ZFHX4: variants seen among roughly 807,000 people sequenced by gnomAD.
ZFHX4 encodes zinc finger homeobox protein 4.
ZFHX4 carries 56 observed loss-of-function variants against 267.6 expected under a neutral mutation model. The ratio of observed to expected loss-of-function variants is 0.21; its 90% CI spans 0.17 to 0.26. ZFHX4 has a LOEUF of 0.26. Among genes scored for constraint, ZFHX4 ranks in the 10% least tolerant of loss-of-function variants. The pLI, the probability that ZFHX4 is intolerant of heterozygous loss-of-function variation, is 1.00. For synonymous variants in ZFHX4, 1,778 were observed against 1,665.6 expected, an observed-to-expected ratio of 1.07 and a Z score of -1.64; for missense variants, 4,332 against 4,420.0, an observed-to-expected ratio of 0.98 and a Z score of 0.56.
chr8:76,853,731 T>C lies in ZFHX4; in HGVS notation c.6810T>C (p.Ile2270=), dbSNP rs750149798. 6.2e-7 allele frequency: 1 copy of C among 1,613,780 alleles called. No homozygotes were observed. The change falls in exon 10 of 11, where the codon ATT becomes ATC. Residue 2270 remains isoleucine, a synonymous_variant. Coordinates refer to ENST00000651372, the MANE Select transcript of ZFHX4 (RefSeq NM_024721.5). ...STVLNLPTRV[I]VVWFQNARQK... ...TTCTCAATCTGCCTACCCGGGTTAT[T>C]GTTGTATGGTTCCAGAATGCTCGTC...
chr8:76,812,013 A>C (rs1269868162), intron 4 of ZFHX4, among the ~76,000 whole-genome samples: 2 of 152,264 alleles, frequency 1.3e-5, no homozygotes, highest in African/African-American at 2.4e-5. Flanking sequence ...GAACGCACCT[A>C]TCTAAATTGC....
At chr8:76,765,161 AATT>A (rs1305753355) in intron 3 of ZFHX4, among the ~76,000 whole-genome samples, 1 of 152,170 alleles carries the variant, frequency 6.6e-6, no homozygotes, top group Non-Finnish European at 1.5e-5. Context: ...AGTTAATAGT[AATT>A]CCACCTCATT....
At chr8:76,778,523 ACGCCT>A in intron 4 of ZFHX4, 84 bp downstream of exon 4, 9 of 1,099,312 alleles carry the variant, frequency 8.2e-6, no homozygotes, top group South Asian at 2.7e-5. Flanking sequence ...ACACACACAC[ACGCCT>A]CAAACTCTCC....
Position 76,705,414 on chromosome 8 carries a change from G to C in ZFHX4, c.1326G>C (p.Glu442Asp). 6.2e-7 allele frequency: 1 copy of C among 1,613,816 alleles called. No individual in the cohort carries two copies. Among genetic ancestry groups the C allele is most frequent in the Non-Finnish European group, 8.5e-7 (1 of 1,179,880 alleles). Residue 442 changes from glutamate to aspartate, a missense_variant, in exon 2 of 11, where the codon GAG becomes GAC. Glu to Asp is a conservative substitution (Grantham distance 45). Around this residue, in one of 7 missense-constraint regions of ZFHX4, gnomAD observed 1,195 missense variants for 1,173.6 expected, o/e 1.02. Coordinates refer to ENST00000651372, the MANE Select transcript of ZFHX4 (RefSeq NM_024721.5). ...SSKMSESKDQ[E>D]NNCERPKESN... The stretch of plus-strand genomic sequence containing the variant: ...AGATGTCAGAGAGCAAAGACCAAGA[G>C]AACAACTGTGAAAGGCCAAAAGAAA...
At position 76,708,028 on chromosome 8, in the gene ZFHX4, G is replaced by T; in HGVS notation, c.3073G>T (p.Ala1025Ser). ...GCATACCACCAATCACAGGCACGAGGCGGCCCTGAAGCTCTACAAGGTAAG... is the reference window on the plus strand; with the variant it reads ...GCATACCACCAATCACAGGCACGAGTCGGCCCTGAAGCTCTACAAGGTAAG... ...RLHTTNHRHE[A>S]ALKLYKHLQK... Residue 1025 changes from alanine to serine, a missense_variant, in exon 3 of 11, where the codon GCG (alanine) becomes TCG (serine). Ala to Ser is a moderately conservative substitution (Grantham distance 99). Transcript: ENST00000651372. 6.2e-7 allele frequency: 1 copy of T among 1,613,574 alleles called. No homozygotes were observed.
At chr8:76,833,457 CT>C (rs757538730) in intron 5 of ZFHX4, 51 bp downstream of exon 5, 4 of 1,373,024 alleles carry the variant, frequency 2.9e-6, no homozygotes, top group Non-Finnish European at 4.1e-6. Flanking sequence ...AAATGAGTTG[CT>C]TTTGTTACTC....
intron 5 of ZFHX4, among the ~76,000 whole-genome samples, chr8:76,834,596 G>T (rs1420615473): frequency 2.0e-5 from 3 of 151,974 alleles, no homozygotes; most frequent in African/African-American, 7.2e-5. Context: ...TAATTGAATT[G>T]TTTATTTGCT....
At chr8:76,722,683 T>C (rs1390926802) in intron 3 of ZFHX4, among the ~76,000 whole-genome samples, 1 of 151,832 alleles carries the variant, frequency 6.6e-6, no homozygotes, top group Non-Finnish European at 1.5e-5. Flanking sequence ...CTGAGTTCTG[T>C]AGATCTTAAT....
At chr8:76,842,609 T>C in intron 5 of ZFHX4, 46 bp from the exon 6 acceptor site, 1 of 1,431,500 alleles carries the variant, frequency 7.0e-7, no homozygotes, top group Non-Finnish European at 9.5e-7. Flanking sequence ...AGTGTGAACT[T>C]TTGGGCGGTT....
At chr8:76,827,475 A>T (rs1395013472) in intron 4 of ZFHX4, among the ~76,000 whole-genome samples, 2 of 152,198 alleles carry the variant, frequency 1.3e-5, no homozygotes, top group African/African-American at 4.8e-5. Context: ...ATAGATGGAA[A>T]CACAAGTTTA....
Position 76,850,381 on chromosome 8 carries a change from A to G in ZFHX4, c.3964+19A>G. The G allele has an allele frequency of 6.3e-7, 1 of 1,577,946 alleles. No individual in the cohort carries two copies. Among genetic ancestry groups the G allele is most frequent in the African/African-American group, 1.3e-5 (1 of 74,194 alleles). ...TATTCAGGTATGCCATCTTATCATC[A>G]AGACTTGTGAACAATACGCTTAGGG... On this transcript the variant is annotated intron_variant, in intron 9 of 10. Transcript: ENST00000651372.
rs201412244 is a variant in ZFHX4 at position 76,863,236 on chromosome 8, A to T, written c.9522A>T (p.Ser3174=). Reference sequence around the variant, plus strand: ...CACCTCCTCCTCCTCCTCCTCCTTCATCCTCTCTGTCAGGACAGCAGACCG... The same window carrying T: ...CACCTCCTCCTCCTCCTCCTCCTTCTTCCTCTCTGTCAGGACAGCAGACCG... The part of the protein sequence containing the change: ...PPPPPPPPPP[S]SSLSGQQTEQ... Residue 3174 remains serine (S), a synonymous_variant, in exon 11 of 11, where the codon TCA becomes TCT. Transcript: ENST00000651372. 281 of 1,593,106 alleles carry T rather than the reference A, an allele frequency of 1.8e-4. No homozygotes were observed. Among genetic ancestry groups the T allele is most frequent in the Non-Finnish European group, 2.3e-4 (271 of 1,169,342 alleles).
At chr8:76,857,261 TTAAG>T (rs1009174378) in intron 10 of ZFHX4, among the ~76,000 whole-genome samples, 8 of 151,506 alleles carry the variant, frequency 5.3e-5, no homozygotes, top group African/African-American at 1.7e-4. Flanking sequence ...CTTTTATAAT[TTAAG>T]TAAGTTTTGT....
chr8:76,856,448 A>G (rs2079003004), intron 10 of ZFHX4, 148 bp downstream of exon 10: 7 of 962,308 alleles, frequency 7.3e-6, no homozygotes, highest in Non-Finnish European at 9.5e-6. Context: ...TATATTGGCT[A>G]TAGCTAATTA....
intron 3 of ZFHX4, among the ~76,000 whole-genome samples, chr8:76,756,424 A>G (rs1004524184): frequency 7.2e-5 from 11 of 152,182 alleles, no homozygotes; most frequent in African/African-American, 2.4e-4. Context: ...AGCAAGAAAC[A>G]GAGAGACCAG....
intron 1 of ZFHX4, among the ~76,000 whole-genome samples, chr8:76,702,651 T>G (rs568337029): frequency 6.6e-6 from 1 of 152,296 alleles, no homozygotes; most frequent in East Asian, 1.9e-4. Context: ...TGATATGCAA[T>G]GTAATATAGC....
intron 3 of ZFHX4, among the ~76,000 whole-genome samples, chr8:76,744,345 A>T (rs1809400684): frequency 6.6e-6 from 1 of 152,114 alleles, no homozygotes; most frequent in Admixed American, 6.5e-5. Flanking sequence ...GACTCCACCT[A>T]AAAAATAAAT....
intron 3 of ZFHX4, among the ~76,000 whole-genome samples, chr8:76,767,363 G>A (rs144638913): frequency 1.3e-5 from 2 of 152,192 alleles, no homozygotes; most frequent in African/African-American, 4.8e-5. Flanking sequence ...AGATTATTTA[G>A]GTGAGCTCTT....
chr8:76,703,985 T>C, intron 1 of ZFHX4, 58 bp from the exon 2 acceptor site: 4 of 1,155,252 alleles, frequency 3.5e-6, no homozygotes, highest in Non-Finnish European at 3.6e-6. Context: ...GATGGGCTAT[T>C]AGTGAGCTGT....
Sources: allele counts gnomAD v4.1 joint callset (sites outside exome capture counted in the v4.1 genomes callset), GRCh38; gene constraint gnomAD v4.1.1; regional missense constraint gnomAD v4.1.1; transcripts MANE v1.5; gene names NCBI Gene and HGNC (gene_info 2026-07-23, HGNC 2026-07-21).